The following BACH2 variants were observed in gnomAD, a reference collection of about 807,000 sequenced individuals.
BACH2 encodes the protein transcription regulator protein BACH2.
In BACH2, 5 loss-of-function variants were observed where a neutral mutation model predicts 61.8. The ratio of observed to expected loss-of-function variants is 0.08; its 90% CI spans 0.04 to 0.17. BACH2 has a LOEUF of 0.17. Ranked by LOEUF, BACH2 falls within the 10% of genes least tolerant of loss-of-function variation. The pLI, the probability that BACH2 is intolerant of heterozygous loss-of-function variation, is 1.00. For synonymous variants in BACH2, 446 were observed against 440.1 expected (o/e 1.01, Z -0.17); for missense variants, 824 against 1,091.1 (o/e 0.76, Z 3.45).
chr6:90,085,716 A>C (rs759028294), intron 5 of BACH2, among the ~76,000 whole-genome samples: 3 of 152,202 alleles, frequency 2.0e-5, no homozygotes, highest in Non-Finnish European at 4.4e-5. Flanking sequence ...TGTGAGAGAC[A>C]TAATGATCTG....
At chr6:90,016,550 C>T (rs1395179532) in intron 5 of BACH2, among the ~76,000 whole-genome samples, 2 of 152,122 alleles carry the variant, frequency 1.3e-5, no homozygotes, top group African/African-American at 4.8e-5. Context: ...TCGTGTAAAG[C>T]ACAGTAGTAT....
chr6:90,120,559 T>G (rs1335350481), intron 4 of BACH2, among the ~76,000 whole-genome samples: 2 of 152,220 alleles, frequency 1.3e-5, no homozygotes, highest in Non-Finnish European at 2.9e-5. Context: ...AGACTTGTCA[T>G]GATCTTAATT....
chr6:90,074,721 G>A (rs1405895202), intron 5 of BACH2, among the ~76,000 whole-genome samples: 1 of 152,096 alleles, frequency 6.6e-6, no homozygotes, highest in Non-Finnish European at 1.5e-5. Context: ...TAATCAGATG[G>A]GAGGTGGAAG....
At position 90,135,553 on chromosome 6, in the gene BACH2, C is replaced by T. The variant is rs190303837; in HGVS notation, c.-161-46444G>A. ...ACAGGGCAAAACCCTGTCTCTACCC[C>T]AAAACACAAAAAATTAGCCAGGCAT... is the stretch of plus-strand genomic sequence containing the variant. On this transcript the variant is annotated intron_variant, in intron 4 of 8. Transcript: ENST00000257749. 7.4e-4 allele frequency among the ~76,000 whole-genome samples: 113 copies of T among 152,086 alleles called. No individual in the cohort carries two copies. The Middle Eastern group carries it at 0.01, about 14-fold the overall frequency.
chr6:90,252,657 A>G (rs1441637724), intron 2 of BACH2, 67 bp from the exon 3 acceptor site: 1 of 152,186 alleles, frequency 6.6e-6, no homozygotes, highest in African/African-American at 2.4e-5. Flanking sequence ...CATTTTTATC[A>G]ATGATTGAGA....
intron 4 of BACH2, among the ~76,000 whole-genome samples, chr6:90,149,881 A>G (rs1042019317): frequency 1.3e-5 from 2 of 152,250 alleles, no homozygotes; most frequent in Admixed American, 6.5e-5. Flanking sequence ...AGGGAGGAGC[A>G]TAAGAGCAGG....
intron 4 of BACH2, among the ~76,000 whole-genome samples, chr6:90,167,399 A>G (rs906943775): frequency 3.3e-5 from 5 of 151,810 alleles, no homozygotes; most frequent in Non-Finnish European, 5.9e-5. Context: ...CTTGTTGCCC[A>G]GGCTGGAGTG....
At chr6:89,964,918 C>T (rs747639870) in intron 6 of BACH2, among the ~76,000 whole-genome samples, 15 of 152,210 alleles carry the variant, frequency 9.9e-5, no homozygotes, top group African/African-American at 2.9e-4. Context: ...TGGAGTCTCA[C>T]TCTGTCACCC....
chr6:89,986,782 A>C (rs770833704), intron 6 of BACH2, among the ~76,000 whole-genome samples: 2 of 152,230 alleles, frequency 1.3e-5, no homozygotes, highest in Admixed American at 6.5e-5. Flanking sequence ...TTCAAGCTTC[A>C]TTAGGAACAA....
At chr6:90,236,268 G>C (rs1770256717) in intron 3 of BACH2, among the ~76,000 whole-genome samples, 1 of 152,216 alleles carries the variant, frequency 6.6e-6, no homozygotes, top group South Asian at 2.1e-4. Flanking sequence ...TGCTCAAAAT[G>C]CTTTTTAGAG....
chr6:90,006,906 C>T (rs1410445131), intron 6 of BACH2, among the ~76,000 whole-genome samples: 1 of 152,188 alleles, frequency 6.6e-6, no homozygotes, highest in East Asian at 1.9e-4. Flanking sequence ...GTGTGAGCTG[C>T]TGCACCTGGC....
Position 89,964,387 on chromosome 6 carries a change from T to C in BACH2, c.244-12525A>G, listed in dbSNP as rs1048398990. On this transcript the variant is annotated intron_variant, in intron 6 of 8. Transcript: ENST00000257749. ...ACAACAATGTGAATACTTAAGAGTA[T>C]TGAACTTATTTAACACTACTGAACT... 6.6e-5 allele frequency among the ~76,000 whole-genome samples: 10 copies of C among 152,170 alleles called. 1 individual carries two copies. Among genetic ancestry groups the C allele is most frequent in the African/African-American group, 1.9e-4 (8 of 41,436 alleles).
At chr6:90,283,860 T>C (rs1186779475) in intron 1 of BACH2, among the ~76,000 whole-genome samples, 1 of 151,806 alleles carries the variant, frequency 6.6e-6, no homozygotes, top group Non-Finnish European at 1.5e-5. Context: ...TTACAAAAAT[T>C]AGCTGGGCAT....
chr6:90,032,669 A>T (rs976010090), intron 5 of BACH2, among the ~76,000 whole-genome samples: 2 of 152,164 alleles, frequency 1.3e-5, no homozygotes, highest in African/African-American at 4.8e-5. Context: ...ACCATCTCAC[A>T]TTGGTTAGAA....
At chr6:90,279,501 C>T (rs906772719) in intron 1 of BACH2, among the ~76,000 whole-genome samples, 2 of 138,634 alleles carry the variant, frequency 1.4e-5, no homozygotes, top group African/African-American at 5.6e-5. Flanking sequence ...CCAGCCTGGG[C>T]GACAGAGCGA....
At chr6:90,167,795 C>T (rs1405033719) in intron 4 of BACH2, among the ~76,000 whole-genome samples, 2 of 152,206 alleles carry the variant, frequency 1.3e-5, no homozygotes, top group East Asian at 1.9e-4. Flanking sequence ...GGCCAGTTCA[C>T]AAATCTGAAT....
chr6:90,011,919 C>CAAA (rs1162835089), intron 5 of BACH2, among the ~76,000 whole-genome samples: 2 of 121,048 alleles, frequency 1.7e-5, no homozygotes, highest in South Asian at 5.4e-4. Flanking sequence ...GACTCTGTCT[C>CAAA]AAAAAAAAAA....
At chr6:90,192,544 C>CT (rs1188766125) in intron 4 of BACH2, among the ~76,000 whole-genome samples, 1 of 152,106 alleles carries the variant, frequency 6.6e-6, no homozygotes, top group East Asian at 1.9e-4. Context: ...GCAGGTTATA[C>CT]AACCGTCTTC....
At chr6:90,117,135 A>G (rs1783435096) in intron 4 of BACH2, 1 of 214,636 alleles carries the variant, frequency 4.7e-6, no homozygotes. Flanking sequence ...AGCACTCTCA[A>G]TAATCTTTCA....
Sources: gnomAD v4.1 joint callset for allele counts (sites outside exome capture counted in the v4.1 genomes callset) on GRCh38, gnomAD v4.1.1 for gene constraint, MANE v1.5 for transcripts, NCBI Gene and HGNC (gene_info 2026-07-23, HGNC 2026-07-21) for gene names.